Variants in FREM1 observed in about 807,000 individuals in gnomAD.
FREM1 encodes the protein FRAS1 related extracellular matrix 1.
Under a neutral mutation model 210.1 loss-of-function variants are expected in FREM1, and 220 were observed. The observed-to-expected ratio is 1.05, with a 90% CI of 0.94 to 1.17. The LOEUF is 1.17. Among genes scored for constraint, FREM1 ranks in the 50% most tolerant of loss-of-function variants. The pLI is 0.00. For synonymous variants in FREM1, 1,189 were observed against 980.2 expected (o/e 1.21, Z -3.98); for missense variants, 3,454 against 2,675.5 (o/e 1.29, Z -6.42).
At chr9:14,773,501 C>T (rs1847972629) in intron 25 of FREM1, among the ~76,000 whole-genome samples, 2 of 152,082 alleles carry the variant, frequency 1.3e-5, no homozygotes, top group Admixed American at 6.5e-5. Flanking sequence ...TGGGGTCAGT[C>T]ACTTTCTAAA....
At chr9:14,763,352 C>T (rs1324026832) in intron 27 of FREM1, among the ~76,000 whole-genome samples, 3 of 152,094 alleles carry the variant, frequency 2.0e-5, no homozygotes, top group Non-Finnish European at 4.4e-5. Flanking sequence ...GAAAAGTCAC[C>T]CCCACTTGAG....
At chr9:14,832,840 T>C (rs75331972) in intron 10 of FREM1, among the ~76,000 whole-genome samples, 6 of 152,272 alleles carry the variant, frequency 3.9e-5, no homozygotes, top group African/African-American at 1.2e-4. Context: ...ATTTGTAAGG[T>C]TGGTCTTAAG....
intron 35 of FREM1, 91 bp downstream of exon 35, chr9:14,746,261 GT>G: frequency 6.5e-6 from 6 of 924,286 alleles, no homozygotes; most frequent in Non-Finnish European, 1.0e-5. Context: ...CTCAATACTT[GT>G]TGAATGAATG....
intron 10 of FREM1, among the ~76,000 whole-genome samples, chr9:14,839,288 T>C (rs1415112519): frequency 2.0e-5 from 3 of 152,188 alleles, no homozygotes; most frequent in African/African-American, 7.2e-5. Flanking sequence ...CAGGGATGAC[T>C]TCAGAGATTC....
In FREM1 at chr9:14,792,652, A is replaced by G. The variant is rs187608902; in HGVS notation, c.3981+91T>C. 23 of 988,698 alleles carry G rather than the reference A, an allele frequency of 2.3e-5. No homozygotes were observed. In the Admixed American group the frequency reaches 6.1e-4, roughly 26 times the overall value. The allele number at this position is 988,698 out of a possible 1,614,324, so 61.2% of individuals were successfully genotyped here. On this transcript the variant is annotated intron_variant, in intron 22 of 36. Transcript: ENST00000380880. ...ACTTCTAGGCAAATATATGTCTATCAGAGAATAAATCCCATCATAGAAATG... is the reference window on the plus strand; with the variant it reads ...ACTTCTAGGCAAATATATGTCTATCGGAGAATAAATCCCATCATAGAAATG...
chr9:14,789,128 G>C lies in FREM1; in HGVS notation c.3982-14C>G. 6.5e-7 allele frequency: 1 copy of C among 1,545,854 alleles called. No homozygotes were observed. The highest frequency in any genetic ancestry group is 8.8e-7 in the Non-Finnish European group (1 of 1,140,874). ...GTCCCTCCCTATCTGGAAGGAGCCA[G>C]AGTTAGTCAGCTGCTCATGGTTTTT... On this transcript the variant is annotated splice_polypyrimidine_tract_variant and intron_variant, in intron 22 of 36. Coordinates refer to ENST00000380880, the MANE Select transcript of FREM1 (RefSeq NM_001379081.2).
intron 10 of FREM1, among the ~76,000 whole-genome samples, chr9:14,838,585 C>A (rs1275931337): frequency 2.0e-5 from 3 of 152,026 alleles, no homozygotes; most frequent in Non-Finnish European, 4.4e-5. Context: ...CACTTATTAC[C>A]GCCCCATCTC....
intron 22 of FREM1, chr9:14,791,040 G>C (rs1388719368): frequency 6.6e-6 from 1 of 152,188 alleles, no homozygotes; most frequent in East Asian, 1.9e-4. Flanking sequence ...TTCTAGGACT[G>C]TGCCTCCACT....
chr9:14,785,324 C>G (rs924657870), intron 23 of FREM1, among the ~76,000 whole-genome samples: 3 of 152,102 alleles, frequency 2.0e-5, no homozygotes, highest in African/African-American at 7.2e-5. Context: ...GTTATATGAG[C>G]AAGCTGAGAA....
intron 10 of FREM1, among the ~76,000 whole-genome samples, chr9:14,826,021 A>C (rs1472780283): frequency 6.6e-6 from 1 of 152,166 alleles, no homozygotes; most frequent in African/African-American, 2.4e-5. Flanking sequence ...ACTTCTCAGA[A>C]AGTGTGGAAT....
At chr9:14,892,565 A>T (rs973917189) in intron 1 of FREM1, among the ~76,000 whole-genome samples, 2 of 152,088 alleles carry the variant, frequency 1.3e-5, no homozygotes, top group Admixed American at 1.3e-4. Flanking sequence ...TTGGCACTAT[A>T]GGATGTTAAC....
chr9:14,756,675 T>C (rs1366336607), intron 28 of FREM1, among the ~76,000 whole-genome samples: 1 of 152,238 alleles, frequency 6.6e-6, no homozygotes, highest in South Asian at 2.1e-4. Context: ...GCTTTTGTTT[T>C]GTTTGGTTTT....
chr9:14,874,390 C>T (rs1833299727), intron 1 of FREM1, among the ~76,000 whole-genome samples: 2 of 150,676 alleles, frequency 1.3e-5, no homozygotes, highest in African/African-American at 2.5e-5. Flanking sequence ...GTTAGCTCTT[C>T]TTGTTGAATT....
intron 3 of FREM1, among the ~76,000 whole-genome samples, chr9:14,862,319 T>C (rs1830735883): frequency 6.6e-6 from 1 of 152,206 alleles, no homozygotes; most frequent in African/African-American, 2.4e-5. Context: ...TGTACAAAAG[T>C]CTTTTACATT....
chr9:14,885,896 A>G (rs910111049), intron 1 of FREM1, among the ~76,000 whole-genome samples: 3 of 152,178 alleles, frequency 2.0e-5, no homozygotes, highest in Non-Finnish European at 4.4e-5. Flanking sequence ...CAACTATACA[A>G]TACAATGCTG....
intron 1 of FREM1, among the ~76,000 whole-genome samples, chr9:14,882,769 C>A (rs578119487): frequency 6.6e-5 from 10 of 151,604 alleles, no homozygotes; most frequent in Non-Finnish European, 1.2e-4. Context: ...GGATTCTAAT[C>A]CTGATTTTTA....
intron 19 of FREM1, among the ~76,000 whole-genome samples, chr9:14,803,266 T>TCTG (rs1414057158): frequency 1.3e-3 from 182 of 136,256 alleles, no homozygotes; most frequent in African/African-American, 4.5e-3. Context: ...CCTCTCTTTC[T>TCTG]TTCCCTCCCT....
intron 1 of FREM1, among the ~76,000 whole-genome samples, chr9:14,871,335 G>A (rs1254236630): frequency 3.3e-5 from 5 of 152,162 alleles, no homozygotes; most frequent in African/African-American, 1.2e-4. Context: ...TGACTTTTTA[G>A]TGATTGCCAT....
intron 18 of FREM1, among the ~76,000 whole-genome samples, chr9:14,805,666 G>C (rs1170440997): frequency 6.6e-6 from 1 of 152,204 alleles, no homozygotes; most frequent in East Asian, 1.9e-4. Flanking sequence ...AAGAGAAAAT[G>C]CTTAAAGATG....
Sources: allele counts gnomAD v4.1 joint callset (sites outside exome capture counted in the v4.1 genomes callset), GRCh38; gene constraint gnomAD v4.1.1; transcripts MANE v1.5; gene names NCBI Gene and HGNC (gene_info 2026-07-23, HGNC 2026-07-21).